CSPP1: variants seen among roughly 807,000 people sequenced by gnomAD.
CSPP1 encodes the protein centrosome and spindle pole associated protein 1.
In CSPP1, 126 loss-of-function variants were observed where a neutral mutation model predicts 164.4. The observed-to-expected ratio is 0.77, with a 90% CI of 0.66 to 0.89. The LOEUF is 0.89. Ranked by LOEUF, CSPP1 falls within the 40% of genes least tolerant of loss-of-function variation. The probability of loss-of-function intolerance (pLI) is 0.00; values close to 1 mark genes in which losing one functional copy is unlikely to be tolerated. For missense variants in CSPP1, 1,395 were observed against 1,449.8 expected, an observed-to-expected ratio of 0.96 and a Z score of 0.61; for synonymous variants, 472 against 476.7, an observed-to-expected ratio of 0.99 and a Z score of 0.13.
chr8:67,142,651 C>T (rs542102913), intron 17 of CSPP1, among the ~76,000 whole-genome samples: 221 of 152,228 alleles, frequency 1.5e-3, no homozygotes, highest in African/African-American at 5.1e-3. Context: ...TTTGTGTGAA[C>T]ATAAATTTTT....
At chr8:67,161,996 A>G (rs540408281) in intron 22 of CSPP1, 81 bp downstream of exon 22, 73 of 921,620 alleles carry the variant, frequency 7.9e-5, no homozygotes, top group Non-Finnish European at 1.1e-4. Context: ...CTTTTTCATT[A>G]TATTTGGATA....
intron 19 of CSPP1, among the ~76,000 whole-genome samples, chr8:67,154,524 G>A (rs1160699093): frequency 5.3e-5 from 8 of 152,038 alleles, no homozygotes; most frequent in African/African-American, 1.7e-4. Flanking sequence ...CTGCCACCAC[G>A]CCCGGCTAAT....
At chr8:67,128,015 T>G (rs995253299) in intron 15 of CSPP1, among the ~76,000 whole-genome samples, 1 of 152,224 alleles carries the variant, frequency 6.6e-6, no homozygotes, top group Non-Finnish European at 1.5e-5. Context: ...TTTAGCATGC[T>G]TTAATCTTTG....
intron 6 of CSPP1, among the ~76,000 whole-genome samples, chr8:67,094,949 T>C (rs61476700): frequency 3.9e-5 from 6 of 152,258 alleles, no homozygotes; most frequent in East Asian, 3.9e-4. Context: ...TTTGGAGATA[T>C]GGCTTCTTTC....
intron 1 of CSPP1, among the ~76,000 whole-genome samples, chr8:67,067,782 G>C (rs1329551591): frequency 6.6e-6 from 1 of 151,936 alleles, no homozygotes; most frequent in Non-Finnish European, 1.5e-5. Flanking sequence ...GTTTTTAAGA[G>C]GTAAATCTTC....
intron 15 of CSPP1, among the ~76,000 whole-genome samples, chr8:67,123,907 T>C (rs1190831929): frequency 6.9e-6 from 1 of 145,566 alleles, no homozygotes; most frequent in Non-Finnish European, 1.5e-5. Flanking sequence ...GCCAGGCTCT[T>C]TTTTTTTTTT....
At position 67,196,538 on chromosome 8, in the gene CSPP1, A is replaced by C. The variant is rs1239670691; in HGVS notation, c.*945A>C. On this transcript the variant is annotated 3_prime_UTR_variant, in exon 31 of 31. Coordinates refer to ENST00000678616, the MANE Select transcript of CSPP1 (RefSeq NM_001382391.1). ...CCAGGCACTGCTTCTCTCTCTAATA[A>C]TACTTCCTCTGATGTAATTAACGGT... Among the ~76,000 whole-genome samples the C allele has an allele frequency of 6.6e-6, 1 of 152,216 alleles. No individual in the cohort carries two copies. The highest frequency in any genetic ancestry group is 2.4e-5 in the African/African-American group (1 of 41,462).
chr8:67,078,352 T>C (rs1460472968), intron 3 of CSPP1, among the ~76,000 whole-genome samples: 3 of 152,172 alleles, frequency 2.0e-5, no homozygotes, highest in Admixed American at 6.5e-5. Flanking sequence ...TTAACATCTT[T>C]TTTTTTTGAG....
chr8:67,194,913 A>ATAAC (rs1837511753), intron 30 of CSPP1, among the ~76,000 whole-genome samples: 2 of 152,182 alleles, frequency 1.3e-5, no homozygotes, highest in East Asian at 1.9e-4. Flanking sequence ...TTTTCCCAAA[A>ATAAC]TAACTTAATA....
intron 28 of CSPP1, among the ~76,000 whole-genome samples, chr8:67,182,328 T>G (rs1269224286): frequency 2.0e-5 from 3 of 151,108 alleles, no homozygotes; most frequent in Non-Finnish European, 4.4e-5. Flanking sequence ...TTTTTTTTTT[T>G]ATGCTGTGAA....
chr8:67,138,836 T>C (rs1166736502), intron 17 of CSPP1, among the ~76,000 whole-genome samples: 4 of 151,710 alleles, frequency 2.6e-5, no homozygotes, highest in Non-Finnish European at 2.9e-5. Context: ...TGCCATTGCT[T>C]TTGGTGTTTT....
chr8:67,091,506 G>A (rs1811602384), intron 4 of CSPP1, among the ~76,000 whole-genome samples: 1 of 152,144 alleles, frequency 6.6e-6, no homozygotes. Flanking sequence ...AGACGAAATT[G>A]GGAAATTTTT....
intron 19 of CSPP1, among the ~76,000 whole-genome samples, chr8:67,155,876 A>G (rs1826572427): frequency 6.6e-6 from 1 of 152,188 alleles, no homozygotes; most frequent in South Asian, 2.1e-4. Flanking sequence ...GACAGTGGAA[A>G]TGGGTGGAAA....
chr8:67,175,115 A>G, intron 25 of CSPP1, 181 bp from the exon 26 acceptor site: 1 of 587,450 alleles, frequency 1.7e-6, no homozygotes, highest in Admixed American at 3.0e-5. Context: ...AAAGAATATT[A>G]ATTTCATATT....
At chr8:67,075,785 T>C (rs1807786429) in intron 2 of CSPP1, among the ~76,000 whole-genome samples, 1 of 152,206 alleles carries the variant, frequency 6.6e-6, no homozygotes, top group Admixed American at 6.5e-5. Context: ...TTTTGTTTTA[T>C]GGATTAAGAA....
chr8:67,189,631 T>G lies in CSPP1; in HGVS notation c.3221-1019T>G, dbSNP rs562309061. On this transcript the variant is annotated intron_variant, in intron 28 of 30. Coordinates refer to ENST00000678616, the MANE Select transcript of CSPP1 (RefSeq NM_001382391.1). ...TATAAATGTTAAATTTTCTGAATGT[T>G]ATAATTAGATTTTTGCAGTGTAGGA... Among the ~76,000 whole-genome samples, 8 of 152,316 alleles carry G rather than the reference T, an allele frequency of 5.3e-5. No homozygotes were observed. In the South Asian group the frequency reaches 1.7e-3, roughly 32 times the overall value.
chr8:67,141,113 T>C (rs1036161166), intron 17 of CSPP1, among the ~76,000 whole-genome samples: 2 of 152,166 alleles, frequency 1.3e-5, no homozygotes, highest in Non-Finnish European at 2.9e-5. Flanking sequence ...TTGGAAAACA[T>C]TGGGATAGAG....
chr8:67,123,482 G>C (rs1379891114), intron 15 of CSPP1, among the ~76,000 whole-genome samples: 2 of 152,098 alleles, frequency 1.3e-5, no homozygotes, highest in African/African-American at 2.4e-5. Flanking sequence ...GAATCTAAAA[G>C]ATGTCTCTAT....
intron 16 of CSPP1, among the ~76,000 whole-genome samples, chr8:67,133,182 AG>A (rs753209844): frequency 6.6e-5 from 10 of 152,184 alleles, no homozygotes; most frequent in Non-Finnish European, 1.2e-4. Context: ...CTGGAGCAAA[AG>A]GTTGCTTAAA....
Sources: gnomAD v4.1 joint callset for allele counts (sites outside exome capture counted in the v4.1 genomes callset) on GRCh38, gnomAD v4.1.1 for gene constraint, MANE v1.5 for transcripts, NCBI Gene and HGNC (gene_info 2026-07-23, HGNC 2026-07-21) for gene names.